Variants in PCDHB8 observed in about 807,000 individuals in gnomAD.
The protein encoded by PCDHB8 is protocadherin beta-8.
For synonymous variants in PCDHB8, 385 were observed against 448.5 expected (o/e 0.86, Z 1.79); for missense variants, 836 against 1,004.0 (o/e 0.83, Z 2.26).
chr5:141,178,532 C>T lies in PCDHB8; in HGVS notation c.498C>T (p.Asn166=). Reference sequence around the variant, plus strand: ...CTGAAGACTTAGATATAGGCCAAAACAATATTGAGAACTATATAATCAGCC... The same window carrying T: ...CTGAAGACTTAGATATAGGCCAAAATAATATTGAGAACTATATAATCAGCC... ...KNAEDLDIGQ[N]NIENYIISPN... is the part of the protein sequence containing the mutation. The change falls in exon 1 of 1, where the codon AAC becomes AAT. Residue 166 remains asparagine, a synonymous_variant. Coordinates refer to ENST00000239444, the MANE Select transcript of PCDHB8 (RefSeq NM_019120.5). The T allele has an allele frequency of 6.2e-7, 1 of 1,614,172 alleles. No homozygotes were observed. The highest frequency in any genetic ancestry group is 1.7e-5 in the Admixed American group (1 of 60,024).
In PCDHB8 at chr5:141,180,500, A is replaced by T; in HGVS notation, c.*60A>T. 1 of 1,258,694 alleles carries T rather than the reference A, an allele frequency of 7.9e-7. No individual in the cohort carries two copies. The highest frequency in any genetic ancestry group is 1.1e-6 in the Non-Finnish European group (1 of 941,510). 78.0% of individuals were successfully genotyped at this position (1,258,694 alleles called of 1,614,324 possible). A position where few individuals can be genotyped will look rare whatever the true frequency, so the allele number is the denominator to read the frequency against. ...CAATTCAAAGGAATGGTTTTCTGTC[A>T]ACTTAGCATAAATTTTAAATTACAC... On this transcript the variant is annotated 3_prime_UTR_variant, in exon 1 of 1. Transcript: ENST00000239444.
chr5:141,180,538 T>C lies in PCDHB8; in HGVS notation c.*98T>C, dbSNP rs1375589650. On this transcript the variant is annotated 3_prime_UTR_variant, in exon 1 of 1. Transcript: ENST00000239444. ...TTTTAAATTACACTACATTTGCCCA[T>C]AGTATTTGTCTTGTTTTCACTGTTT... 8 of 945,046 alleles carry C rather than the reference T, an allele frequency of 8.5e-6. No individual in the cohort carries two copies. The highest frequency in any genetic ancestry group is 1.1e-5 in the Non-Finnish European group (7 of 661,952). 58.5% of individuals were successfully genotyped at this position (945,046 alleles called of 1,614,324 possible).
Position 141,179,810 on chromosome 5 carries a change from G to C in PCDHB8, c.1776G>C (p.Ala592=), listed in dbSNP as rs199819904. ...EPGYLVTKVV[A]VDGDSGQNAW... is the part of the protein sequence containing the mutation. ...GCTACCTGGTGACCAAGGTGGTGGC[G>C]GTGGACGGCGACTCGGGCCAGAACG... The change falls in exon 1 of 1, where the codon GCG becomes GCC. Residue 592 remains alanine, a synonymous_variant. Coordinates refer to ENST00000239444, the MANE Select transcript of PCDHB8 (RefSeq NM_019120.5). 13 of 1,610,326 alleles carry C rather than the reference G, an allele frequency of 8.1e-6. No homozygotes were observed. Among genetic ancestry groups the C allele is most frequent in the African/African-American group, 5.3e-5 (4 of 74,986 alleles).
chr5:141,180,063 G>T lies in PCDHB8; in HGVS notation c.2029G>T (p.Ala677Ser). 3 of 1,609,856 alleles carry T rather than the reference G, an allele frequency of 1.9e-6. No homozygotes were observed. The highest frequency in any genetic ancestry group is 2.5e-6 in the Non-Finnish European group (3 of 1,179,842). ...FSQPYLPLPE[A>S]APAQGQADSL... ...CCAGCCCTACCTGCCGCTTCCGGAG[G>T]CTGCCCCAGCCCAGGGCCAGGCCGA... Residue 677 changes from alanine (A) to serine (S), a missense_variant, in exon 1 of 1, where the codon GCT becomes TCT. Ala to Ser is a moderately conservative substitution (Grantham distance 99). Coordinates refer to ENST00000239444, the MANE Select transcript of PCDHB8 (RefSeq NM_019120.5).
At position 141,179,209 on chromosome 5, in the gene PCDHB8, T is replaced by TC; in HGVS notation, c.1177dup (p.Leu393ProfsTer34). ...TGCTCCATTCAGGAGGATCTACCCT[T>TC]CCTCCTGAAATCTTCTGTGGGGAAC... On this transcript the variant is annotated frameshift_variant, in exon 1 of 1. Transcript: ENST00000239444. LOFTEE classifies it low-confidence loss of function (END_TRUNC). 6.2e-7 allele frequency: 1 copy of TC among 1,614,140 alleles called. No homozygotes were observed. Among genetic ancestry groups the TC allele is most frequent in the Non-Finnish European group, 8.5e-7 (1 of 1,180,048 alleles).
rs1554280827 is a variant in PCDHB8 at position 141,178,004 on chromosome 5, T to A, written c.-31T>A. 1.2e-6 allele frequency: 2 copies of A among 1,613,704 alleles called. No homozygotes were observed. The highest frequency in any genetic ancestry group is 3.3e-5 in the Admixed American group (2 of 60,004). ...GGGACTTTACAGTCCCACAGAACCG[T>A]CCTCCCAGGAAGCTGAATTCAGCAA... On this transcript the variant is annotated 5_prime_UTR_variant, in exon 1 of 1. Coordinates refer to ENST00000239444, the MANE Select transcript of PCDHB8 (RefSeq NM_019120.5).
rs782805217 is a variant in PCDHB8, at chr5:141,179,249, A to AACAGAGACACC, written c.1218_1228dup (p.Leu410GlnfsTer5). On this transcript the variant is annotated frameshift_variant, in exon 1 of 1. Coordinates refer to ENST00000239444, the MANE Select transcript of PCDHB8 (RefSeq NM_019120.5). LOFTEE classifies it low-confidence loss of function (END_TRUNC). ...CTGTGGGGAACTTTTACACCCTACTAACAGAGACACCACTAGACAGAGAAA... is the reference window on the plus strand; with the variant it reads ...CTGTGGGGAACTTTTACACCCTACTAACAGAGACACCACAGAGACACCACTAGACAGAGAAA... 3.5e-5 allele frequency: 57 copies of AACAGAGACACC among 1,614,076 alleles called. No homozygotes were observed. Among genetic ancestry groups the AACAGAGACACC allele is most frequent in the Non-Finnish European group, 4.5e-5 (53 of 1,180,048 alleles).
rs782791993 is a variant in PCDHB8 at position 141,179,491 on chromosome 5, A to G, written c.1457A>G (p.Gln486Arg). 1.2e-6 allele frequency: 2 copies of G among 1,613,532 alleles called. No individual in the cohort carries two copies. Among genetic ancestry groups the G allele is most frequent in the African/African-American group, 2.7e-5 (2 of 74,936 alleles). The stretch of plus-strand genomic sequence containing the variant: ...GACAGAGACTCGGGCACCAACGCCC[A>G]GGTCACCTACTCGCTGCTGCCGCCC... ...ATDRDSGTNAQVTYSLLPPQD... is the reference protein window; with the variant it reads ...ATDRDSGTNARVTYSLLPPQD... Residue 486 changes from glutamine (Q) to arginine (R), a missense_variant, in exon 1 of 1, where the codon CAG becomes CGG. Physicochemically the swap from Gln to Arg is conservative, Grantham distance 43 (BLOSUM62 1). Coordinates refer to ENST00000239444, the MANE Select transcript of PCDHB8 (RefSeq NM_019120.5).
In PCDHB8 at chr5:141,179,898, A is replaced by C. The variant is rs1554281445; in HGVS notation, c.1864A>C (p.Asn622His). 4 of 1,609,500 alleles carry C rather than the reference A, an allele frequency of 2.5e-6. No homozygotes were observed. In the Admixed American group the frequency reaches 6.7e-5, roughly 27 times the overall value. ...CGGGCTGTTCGGTGTGTGGGCGCAC[A>C]ATGGCGAGGTGCGCACCGCCAGGCT... ...EPGLFGVWAH[N>H]GEVRTARLLS... Residue 622 changes from asparagine to histidine, a missense_variant, in exon 1 of 1, where the codon AAT becomes CAT. Physicochemically the swap from Asn to His is moderately conservative, Grantham distance 68. Transcript: ENST00000239444.
At position 141,180,099 on chromosome 5, in the gene PCDHB8, G is replaced by A. The variant is rs1753516552; in HGVS notation, c.2065G>A (p.Val689Ile). 1 of 1,610,552 alleles carries A rather than the reference G, an allele frequency of 6.2e-7. No individual in the cohort carries two copies. The change falls in exon 1 of 1, where the codon GTC (valine) becomes ATC (isoleucine). Residue 689 changes from valine (V) to isoleucine (I), a missense_variant. Val to Ile is a conservative substitution (Grantham distance 29). Coordinates refer to ENST00000239444, the MANE Select transcript of PCDHB8 (RefSeq NM_019120.5). ...PAQGQADSLTVYLVVALASVS... is the reference protein window; with the variant it reads ...PAQGQADSLTIYLVVALASVS... ...CCAGGGCCAGGCCGACTCTCTCACC[G>A]TCTACCTGGTGGTGGCGTTGGCCTC...
chr5:141,180,258 G>A lies in PCDHB8; in HGVS notation c.2224G>A (p.Gly742Ser), dbSNP rs782448434. 12 of 1,613,828 alleles carry A rather than the reference G, an allele frequency of 7.4e-6. No individual in the cohort carries two copies. In the Admixed American group the frequency reaches 1.0e-4, roughly 13 times the overall value. ...PFPGHLVDVR[G>S]TGSLSQNYQY... ...TCCAGGGCATCTGGTGGACGTGAGGGGCACCGGGAGCCTGTCTCAGAACTA... is the reference window on the plus strand; with the variant it reads ...TCCAGGGCATCTGGTGGACGTGAGGAGCACCGGGAGCCTGTCTCAGAACTA... Residue 742 changes from glycine to serine, a missense_variant, in exon 1 of 1, where the codon GGC becomes AGC. Coordinates refer to ENST00000239444, the MANE Select transcript of PCDHB8 (RefSeq NM_019120.5).
Position 141,178,477 on chromosome 5 carries a change from C to T in PCDHB8, c.443C>T (p.Pro148Leu). The stretch of plus-strand genomic sequence containing the variant: ...TTGGTGAAAGTATCAGAGAGCAGTC[C>T]TCCTGGGACTGCGTTTCCTCTGAAG... ...QMLVKVSESS[P>L]PGTAFPLKNA... The change falls in exon 1 of 1, where the codon CCT becomes CTT. Residue 148 changes from proline to leucine, a missense_variant. Physicochemically the swap from Pro to Leu is moderately conservative, Grantham distance 98 (BLOSUM62 -3). Transcript: ENST00000239444. 1 of 1,614,120 alleles carries T rather than the reference C, an allele frequency of 6.2e-7. No homozygotes were observed. Among genetic ancestry groups the T allele is most frequent in the Non-Finnish European group, 8.5e-7 (1 of 1,180,034 alleles).
In PCDHB8 at chr5:141,179,933, G is replaced by A. The variant is rs142690275; in HGVS notation, c.1899G>A (p.Glu633=). ...TGCGCACCGCCAGGCTGCTGAGCGA[G>A]CGCGACGCGGCCAAGCAGAGGCTGG... is the stretch of plus-strand genomic sequence containing the variant. The part of the protein sequence containing the change: ...GEVRTARLLS[E]RDAAKQRLVV... Residue 633 remains glutamate (E), a synonymous_variant, in exon 1 of 1, where the codon GAG becomes GAA. Transcript: ENST00000239444. 10,705 of 1,608,878 alleles carry A rather than the reference G, an allele frequency of 6.7e-3. 94 individuals carry two copies. Among genetic ancestry groups the A allele is most frequent in the African/African-American group, 0.041 (3,104 of 74,972 alleles).
At position 141,180,196 on chromosome 5, in the gene PCDHB8, C is replaced by T. The variant is rs1328026830; in HGVS notation, c.2162C>T (p.Ala721Val). ...CTGCTGTGTAGGAGGAGCAGGGCGG[C>T]CTCGGTGGGTCGCTGCTCAGTGCCT... ...AVLLCRRSRAASVGRCSVPEG... is the reference protein window; with the variant it reads ...AVLLCRRSRAVSVGRCSVPEG... Residue 721 changes from alanine to valine, a missense_variant, in exon 1 of 1, where the codon GCC becomes GTC. Coordinates refer to ENST00000239444, the MANE Select transcript of PCDHB8 (RefSeq NM_019120.5). 1.9e-6 allele frequency: 3 copies of T among 1,612,668 alleles called. No individual in the cohort carries two copies. The highest frequency in any genetic ancestry group is 2.5e-6 in the Non-Finnish European group (3 of 1,179,978).
At position 141,180,416 on chromosome 5, in the gene PCDHB8, T is replaced by C; in HGVS notation, c.2382T>C (p.Phe794=). 6.3e-7 allele frequency: 1 copy of C among 1,594,734 alleles called. No homozygotes were observed. Among genetic ancestry groups the C allele is most frequent in the Non-Finnish European group, 8.6e-7 (1 of 1,165,826 alleles). ...AAAACTCTAACTTTAGGAATGGCTT[T>C]GGTTTCAGCCTTCAGTTAAAGTAAT... The part of the protein sequence containing the change: ...MEQNSNFRNG[F]GFSLQLK The change falls in exon 1 of 1, where the codon TTT becomes TTC. Residue 794 remains phenylalanine, a synonymous_variant. Transcript: ENST00000239444.
In PCDHB8 at chr5:141,179,215, T is replaced by C; in HGVS notation, c.1181T>C (p.Leu394Pro). 6.2e-7 allele frequency: 1 copy of C among 1,614,244 alleles called. No individual in the cohort carries two copies. ...ATTCAGGAGGATCTACCCTTCCTCC[T>C]GAAATCTTCTGTGGGGAACTTTTAC... ...CSIQEDLPFL[L>P]KSSVGNFYTL... Residue 394 changes from leucine (L) to proline (P), a missense_variant, in exon 1 of 1, where the codon CTG becomes CCG. Physicochemically the swap from Leu to Pro is moderately conservative, Grantham distance 98. Transcript: ENST00000239444.
chr5:141,178,696 C>A lies in PCDHB8; in HGVS notation c.662C>A (p.Pro221Gln). The change falls in exon 1 of 1, where the codon CCG becomes CAG. Residue 221 changes from proline (P) to glutamine (Q), a missense_variant. Physicochemically the swap from Pro to Gln is moderately conservative, Grantham distance 76. Transcript: ENST00000239444. ...CTCACAGCACTGGATGGTGGCTCTC[C>A]GCCCAGATCTGGCACTGCTCAGGTC... ...LTLTALDGGS[P>Q]PRSGTAQVYI... 6.2e-7 allele frequency: 1 copy of A among 1,604,368 alleles called. No individual in the cohort carries two copies. The highest frequency in any genetic ancestry group is 1.1e-5 in the South Asian group (1 of 90,326).
At position 141,180,431 on chromosome 5, in the gene PCDHB8, G is replaced by C; in HGVS notation, c.2397G>C (p.Gln799His). Residue 799 changes from glutamine (Q) to histidine (H), a missense_variant, in exon 1 of 1, where the codon CAG (glutamine) becomes CAC (histidine). Coordinates refer to ENST00000239444, the MANE Select transcript of PCDHB8 (RefSeq NM_019120.5). The stretch of plus-strand genomic sequence containing the variant: ...GGAATGGCTTTGGTTTCAGCCTTCA[G>C]TTAAAGTAATTGATTTCATATTATA... The part of the protein sequence containing the change: ...NFRNGFGFSL[Q>H]LK The C allele has an allele frequency of 6.4e-7, 1 of 1,568,992 alleles. No individual in the cohort carries two copies. The highest frequency in any genetic ancestry group is 8.7e-7 in the Non-Finnish European group (1 of 1,154,996).
rs548331717 is a variant in PCDHB8, at chr5:141,179,936, C to A, written c.1902C>A (p.Arg634=). ...EVRTARLLSE[R]DAAKQRLVVL... The stretch of plus-strand genomic sequence containing the variant: ...GCACCGCCAGGCTGCTGAGCGAGCG[C>A]GACGCGGCCAAGCAGAGGCTGGTGG... Residue 634 remains arginine (R), a synonymous_variant, in exon 1 of 1, where the codon CGC becomes CGA. Transcript: ENST00000239444. 3 of 1,608,858 alleles carry A rather than the reference C, an allele frequency of 1.9e-6. No individual in the cohort carries two copies. The highest frequency in any genetic ancestry group is 1.3e-5 in the African/African-American group (1 of 74,970).
Sources: allele counts gnomAD v4.1 joint callset, GRCh38; gene constraint gnomAD v4.1.1; transcripts MANE v1.5; gene names NCBI Gene and HGNC (gene_info 2026-07-23, HGNC 2026-07-21).